Variants in EFNA4 observed in about 807,000 individuals in gnomAD.
EFNA4 encodes ephrin A4.
In EFNA4, 22 loss-of-function variants were observed where a neutral mutation model predicts 23.7. The ratio of observed to expected loss-of-function variants is 0.93; its 90% CI spans 0.66 to 1.32. The LOEUF is 1.32. EFNA4 is among the 40% of genes most tolerant of loss of function. The probability of loss-of-function intolerance (pLI) is 0.00; values close to 1 mark genes in which losing one functional copy is unlikely to be tolerated. For missense variants in EFNA4, 252 were observed against 252.3 expected, an observed-to-expected ratio of 1.00 and a Z score of 0.01; for synonymous variants, 113 against 108.3, an observed-to-expected ratio of 1.04 and a Z score of -0.27.
Position 155,067,294 on chromosome 1 carries a change from G to A in EFNA4, c.401-78G>A, listed in dbSNP as rs573377236. The A allele has an allele frequency of 2.6e-5, 40 of 1,538,406 alleles. No individual in the cohort carries two copies. The African/African-American group carries it at 5.1e-4, about 19-fold the overall frequency. ...CAGGGACCTGGAGAGAAGAAAACCTGGGAGGGTCTGAAACAGTCTGAGGCA... is the reference window on the plus strand; with the variant it reads ...CAGGGACCTGGAGAGAAGAAAACCTAGGAGGGTCTGAAACAGTCTGAGGCA... On this transcript the variant is annotated intron_variant, in intron 2 of 3. Coordinates refer to ENST00000368409, the MANE Select transcript of EFNA4 (RefSeq NM_005227.3).
chr1:155,068,418 A>G (rs972388386), intron 3 of EFNA4, among the ~76,000 whole-genome samples: 2 of 98,138 alleles, frequency 2.0e-5, no homozygotes, highest in African/African-American at 8.1e-5. Context: ...GGTGTGTGCC[A>G]CCCAGCTGAT....
intron 3 of EFNA4, 24 bp downstream of exon 3, chr1:155,067,464 C>G (rs774308868): frequency 1.2e-6 from 2 of 1,613,484 alleles, no homozygotes; most frequent in African/African-American, 1.3e-5. Flanking sequence ...GAGCATGGAC[C>G]CTACTGGCTA....
At chr1:155,068,461 T>TTTTTTTTTGG (rs1553267674) in intron 3 of EFNA4, among the ~76,000 whole-genome samples, 1 of 135,530 alleles carries the variant, frequency 7.4e-6, no homozygotes. Flanking sequence ...TTTTTTTTTT[T>TTTTTTTTTGG]AGTAGAGACA....
chr1:155,066,903 G>T lies in EFNA4; in HGVS notation c.287G>T (p.Arg96Leu), dbSNP rs749698866. The change falls in exon 2 of 4, where the codon CGC becomes CTC. Residue 96 changes from arginine to leucine, a missense_variant. Physicochemically the swap from Arg to Leu is moderately radical, Grantham distance 102. Coordinates refer to ENST00000368409, the MANE Select transcript of EFNA4 (RefSeq NM_005227.3). ...GCAGAGGGCCCCCGGGCCTACAAGC[G>T]CTGGGTGTGCTCCCTGCCCTTTGGC... Reference protein sequence around the residue: ...CQAEGPRAYKRWVCSLPFGHV... With the variant: ...CQAEGPRAYKLWVCSLPFGHV... 1 of 1,614,156 alleles carries T rather than the reference G, an allele frequency of 6.2e-7. No homozygotes were observed. Among genetic ancestry groups the T allele is most frequent in the Non-Finnish European group, 8.5e-7 (1 of 1,180,040 alleles).
intron 2 of EFNA4, 77 bp downstream of exon 2, chr1:155,067,093 G>C: frequency 6.7e-7 from 1 of 1,503,328 alleles, no homozygotes; most frequent in Non-Finnish European, 9.0e-7. Flanking sequence ...CCTGGAAGGA[G>C]GAGGGGGCTG....
chr1:155,066,035 C>CTATT (rs1185768776), intron 1 of EFNA4, among the ~76,000 whole-genome samples: 36 of 151,972 alleles, frequency 2.4e-4, no homozygotes, highest in African/African-American at 8.5e-4. Flanking sequence ...CGCGCCCAGC[C>CTATT]TATTTATTTA....
At position 155,069,004 on chromosome 1, in the gene EFNA4, C is replaced by G; in HGVS notation, c.*15C>G. ...GAATTCTGTGAGCCAAGCAGACCTT[C>G]CCTCTCATCCCAAGGAGCCAGAGTC... is the stretch of plus-strand genomic sequence containing the variant. On this transcript the variant is annotated 3_prime_UTR_variant, in exon 4 of 4. Coordinates refer to ENST00000368409, the MANE Select transcript of EFNA4 (RefSeq NM_005227.3). 6.2e-7 allele frequency: 1 copy of G among 1,613,594 alleles called. No individual in the cohort carries two copies.
At chr1:155,067,524 C>A in intron 3 of EFNA4, 84 bp downstream of exon 3, 1 of 1,490,472 alleles carries the variant, frequency 6.7e-7, no homozygotes, top group South Asian at 1.1e-5. Flanking sequence ...CTAGGAGGAT[C>A]AGACTCCAGG....
chr1:155,064,032 G>T, intron 1 of EFNA4, 96 bp downstream of exon 1: 1 of 991,628 alleles, frequency 1.0e-6, no homozygotes, highest in Non-Finnish European at 1.4e-6. Flanking sequence ...CGCCGCCTGA[G>T]CCTGGCCGCG....
At chr1:155,068,426 G>GCTTTTTTTTT (rs1571654990) in intron 3 of EFNA4, among the ~76,000 whole-genome samples, 1 of 28,806 alleles carries the variant, frequency 3.5e-5, no homozygotes, top group Admixed American at 5.1e-4. Context: ...CCACCCAGCT[G>GCTTTTTTTTT]ATTTTTTTTT....
rs141223577 is a variant in EFNA4, at chr1:155,067,404, T to C, written c.433T>C (p.Leu145=). 19 of 1,614,082 alleles carry C rather than the reference T, an allele frequency of 1.2e-5. No homozygotes were observed. The African/African-American group carries it at 2.5e-4, about 22-fold the overall frequency. ...CACTCCAGAGAGTTCTGGCCAGTGC[T>C]TGAGGCTCCAGGTGTCTGTCTGCTG... ...VPTPESSGQC[L]RLQVSVCCKE... is the part of the protein sequence containing the mutation. The change falls in exon 3 of 4, where the codon TTG becomes CTG. Residue 145 remains leucine (L), a synonymous_variant. Coordinates refer to ENST00000368409, the MANE Select transcript of EFNA4 (RefSeq NM_005227.3).
rs749656720 is a variant in EFNA4, at chr1:155,067,030, G to A, written c.400+14G>A. 8 of 1,591,744 alleles carry A rather than the reference G, an allele frequency of 5.0e-6. No individual in the cohort carries two copies. In the Admixed American group the frequency reaches 1.4e-4, roughly 28 times the overall value. On this transcript the variant is annotated intron_variant, in intron 2 of 3. Transcript: ENST00000368409. ...ACTACTACATCTGTGAGTGGCCAAGGGCACACTGGACACCTCTTGTGTACC... is the reference window on the plus strand; with the variant it reads ...ACTACTACATCTGTGAGTGGCCAAGAGCACACTGGACACCTCTTGTGTACC...
chr1:155,068,329 G>A (rs1023109189), intron 3 of EFNA4, among the ~76,000 whole-genome samples: 3 of 146,684 alleles, frequency 2.0e-5, no homozygotes, highest in Admixed American at 6.9e-5. Flanking sequence ...ACAGTGGTGC[G>A]ATCTCAGCTT....
Position 155,069,164 on chromosome 1 carries a change from C to T in EFNA4, c.*175C>T, listed in dbSNP as rs1663123675. The T allele has an allele frequency of 1.9e-6, 3 of 1,606,786 alleles. No homozygotes were observed. Among genetic ancestry groups the T allele is most frequent in the Non-Finnish European group, 2.5e-6 (3 of 1,178,046 alleles). ...CTCTTGCAGGAGCCTGTCCCCTCAT[C>T]ACAGGCTAAAGAAGAGCAGTAGACA... On this transcript the variant is annotated 3_prime_UTR_variant, in exon 4 of 4. Coordinates refer to ENST00000368409, the MANE Select transcript of EFNA4 (RefSeq NM_005227.3).
At position 155,068,968 on chromosome 1, in the gene EFNA4, T is replaced by G. The variant is rs1255054162; in HGVS notation, c.585T>G (p.Leu195=). The G allele has an allele frequency of 6.2e-7, 1 of 1,614,132 alleles. No homozygotes were observed. Among genetic ancestry groups the G allele is most frequent in the South Asian group, 1.1e-5 (1 of 91,072 alleles). ...CLLLLLLLLI[L]RLLRIL ...TGCTATTACTGCTGCTTCTGATTCTTCGTCTTCTGCGAATTCTGTGAGCCA... is the reference window on the plus strand; with the variant it reads ...TGCTATTACTGCTGCTTCTGATTCTGCGTCTTCTGCGAATTCTGTGAGCCA... The change falls in exon 4 of 4, where the codon CTT becomes CTG. Residue 195 remains leucine (L), a synonymous_variant. Coordinates refer to ENST00000368409, the MANE Select transcript of EFNA4 (RefSeq NM_005227.3).
Position 155,063,893 on chromosome 1 carries a change from T to G in EFNA4, c.70T>G (p.Ser24Ala), listed in dbSNP as rs746026404. ...CCTCGGCTCCCCTCTGCGCGGGGGC[T>G]CCAGCCTCCGCCACGTAGTCTACTG... ...AFLGSPLRGG[S>A]SLRHVVYWNS... The change falls in exon 1 of 4, where the codon TCC becomes GCC. Residue 24 changes from serine (S) to alanine (A), a missense_variant. Coordinates refer to ENST00000368409, the MANE Select transcript of EFNA4 (RefSeq NM_005227.3). This position sits in a 1 kb window ranked among gnomAD's most constrained non-coding sequence, Gnocchi z 4.1. 5.1e-6 allele frequency: 8 copies of G among 1,568,054 alleles called. 1 individual carries two copies. The South Asian group carries it at 8.2e-5, about 16-fold the overall frequency.
rs12760718 is a variant in EFNA4, at chr1:155,063,856, C to T, written c.33C>T (p.Leu11=). MRLLPLLRTV[L]WAAFLGSPLR... is the part of the protein sequence containing the mutation. Reference sequence around the variant, plus strand: ...TGCTGCCCCTGCTGCGGACTGTCCTCTGGGCCGCGTTCCTCGGCTCCCCTC... The same window carrying T: ...TGCTGCCCCTGCTGCGGACTGTCCTTTGGGCCGCGTTCCTCGGCTCCCCTC... The change falls in exon 1 of 4, where the codon CTC becomes CTT. Residue 11 remains leucine (L), a synonymous_variant. Coordinates refer to ENST00000368409, the MANE Select transcript of EFNA4 (RefSeq NM_005227.3). The surrounding 1 kb of genome is among the most constrained non-coding windows in gnomAD (Gnocchi z 4.1). 1 of 1,551,176 alleles carries T rather than the reference C, an allele frequency of 6.4e-7. No individual in the cohort carries two copies. Among genetic ancestry groups the T allele is most frequent in the East Asian group, 2.5e-5 (1 of 40,134 alleles).
chr1:155,069,079 G>A lies in EFNA4; in HGVS notation c.*90G>A. 1.9e-6 allele frequency: 3 copies of A among 1,611,204 alleles called. No homozygotes were observed. Among genetic ancestry groups the A allele is most frequent in the South Asian group, 2.2e-5 (2 of 90,900 alleles). On this transcript the variant is annotated 3_prime_UTR_variant, in exon 4 of 4. Transcript: ENST00000368409. The stretch of plus-strand genomic sequence containing the variant: ...GGGATCCCTGCTGCCTGCACTGGGG[G>A]TGCCAATTCAGACCGACAAGATGGA...
chr1:155,066,280 T>C (rs4045192), intron 1 of EFNA4, among the ~76,000 whole-genome samples: 64,299 of 152,070 alleles, frequency 0.42, 15,007 homozygotes, highest in East Asian at 0.91. Context: ...CAACCCCTGT[T>C]TCCACCTCTG....
Sources: gnomAD v4.1 joint callset for allele counts (sites outside exome capture counted in the v4.1 genomes callset) on GRCh38, gnomAD v4.1.1 for gene constraint, Gnocchi (gnomAD v3.1) non-coding constraint, MANE v1.5 for transcripts, NCBI Gene and HGNC (gene_info 2026-07-23, HGNC 2026-07-21) for gene names.